Variants in ATXN2 observed in about 807,000 individuals in gnomAD.
ATXN2 encodes the protein ataxin 2.
ATXN2 carries 37 observed loss-of-function variants against 138.6 expected under a neutral mutation model. The ratio of observed to expected loss-of-function variants is 0.27; its 90% CI spans 0.21 to 0.35. The LOEUF (loss-of-function observed/expected upper bound fraction) is 0.35, where lower values mean the gene tolerates loss of function less well. ATXN2 is among the 10% of genes least tolerant of loss of function. The pLI is 1.00. For synonymous variants in ATXN2, 549 were observed against 543.7 expected, an observed-to-expected ratio of 1.01 and a Z score of -0.13; for missense variants, 1,216 against 1,480.3, an observed-to-expected ratio of 0.82 and a Z score of 2.93.
intron 18 of ATXN2, among the ~76,000 whole-genome samples, chr12:111,476,460 CA>C (rs915476297): frequency 1.6e-3 from 200 of 128,608 alleles, no homozygotes; most frequent in Admixed American, 2.4e-3. Flanking sequence ...TACAATAAGA[CA>C]AAAAAAAAAA....
At chr12:111,468,943 G>C (rs1042572427) in intron 20 of ATXN2, 4 of 152,186 alleles carry the variant, frequency 2.6e-5, no homozygotes, top group Non-Finnish European at 4.4e-5. Context: ...CTCATGATCC[G>C]CCAGCCTTGG....
chr12:111,590,448 G>A (rs1884596281), intron 1 of ATXN2, among the ~76,000 whole-genome samples: 1 of 151,962 alleles, frequency 6.6e-6, no homozygotes, highest in Non-Finnish European at 1.5e-5. Flanking sequence ...CAGCACTTTG[G>A]GAGGCTGTTG....
intron 21 of ATXN2, chr12:111,458,417 C>G (rs1189742664): frequency 6.6e-6 from 1 of 152,316 alleles, no homozygotes; most frequent in South Asian, 2.1e-4. Flanking sequence ...CGTGAGCCAC[C>G]GTGCCTGGCC....
chr12:111,474,979 C>T (rs1344124688), intron 18 of ATXN2, among the ~76,000 whole-genome samples: 15 of 152,056 alleles, frequency 9.9e-5, no homozygotes, highest in South Asian at 4.1e-4. Context: ...TTTGGGAGGC[C>T]GAGGCGGGCG....
intron 14 of ATXN2, among the ~76,000 whole-genome samples, chr12:111,506,621 C>T (rs1046397487): frequency 5.3e-5 from 8 of 151,088 alleles, no homozygotes; most frequent in African/African-American, 2.0e-4. Context: ...CATCATTGTC[C>T]CTCTCCCTCT....
chr12:111,519,768 T>G, intron 8 of ATXN2, 111 bp downstream of exon 8: 1 of 1,533,208 alleles, frequency 6.5e-7, no homozygotes, highest in Non-Finnish European at 8.8e-7. Context: ...TCTACTTGCA[T>G]TCTCTACCTA....
intron 1 of ATXN2, among the ~76,000 whole-genome samples, chr12:111,557,027 T>G (rs1174012740): frequency 6.6e-6 from 1 of 152,190 alleles, no homozygotes; most frequent in African/African-American, 2.4e-5. Flanking sequence ...AGATGAATTC[T>G]ATTTTCAAGT....
intron 1 of ATXN2, among the ~76,000 whole-genome samples, chr12:111,576,940 A>T (rs552722671): frequency 1.3e-5 from 2 of 151,930 alleles, no homozygotes; most frequent in Non-Finnish European, 2.9e-5. Context: ...CCTGGGCGAC[A>T]GAGCGAGACT....
At chr12:111,547,457 G>A (rs970680067) in intron 5 of ATXN2, among the ~76,000 whole-genome samples, 1 of 151,926 alleles carries the variant, frequency 6.6e-6, no homozygotes, top group African/African-American at 2.4e-5. Context: ...TGGGCGCGGT[G>A]GCTCACGCTT....
intron 6 of ATXN2, among the ~76,000 whole-genome samples, chr12:111,521,238 G>T (rs897079363): frequency 2.6e-5 from 4 of 152,146 alleles, no homozygotes; most frequent in African/African-American, 9.7e-5. Flanking sequence ...ATAGCCTTCA[G>T]ATCAGGGTTC....
Position 111,567,399 on chromosome 12 carries a change from C to G in ATXN2, c.252-11480G>C, listed in dbSNP as rs1883071366. ...CCTGTAGTCCCAGATACTCAGGAGG[C>G]TGAGGCAGGAGAATCACTTGAACCC... is the stretch of plus-strand genomic sequence containing the variant. On this transcript the variant is annotated intron_variant, in intron 1 of 24. Transcript: ENST00000673436. 1.3e-5 allele frequency among the ~76,000 whole-genome samples: 2 copies of G among 151,934 alleles called. 1 individual carries two copies. Among genetic ancestry groups the G allele is most frequent in the South Asian group, 4.2e-4 (2 of 4,798 alleles).
intron 5 of ATXN2, among the ~76,000 whole-genome samples, chr12:111,547,699 T>TG (rs1306939428): frequency 6.8e-6 from 1 of 146,828 alleles, no homozygotes; most frequent in Admixed American, 7.0e-5. Context: ...CACTCCAGCC[T>TG]GGGCGACAAG....
chr12:111,525,442 T>G (rs1880431656), intron 5 of ATXN2, 126 bp from the exon 6 acceptor site: 1 of 1,133,688 alleles, frequency 8.8e-7, no homozygotes, highest in Non-Finnish European at 1.2e-6. Context: ...CATAATTGTT[T>G]AACTTAAAAT....
intron 1 of ATXN2, among the ~76,000 whole-genome samples, chr12:111,581,135 CAAAAAAAAA>C (rs1016431358): frequency 1.2e-4 from 7 of 57,896 alleles, no homozygotes; most frequent in Middle Eastern, 0.026. Flanking sequence ...GACTCCATCT[CAAAAAAAAA>C]AAAAAAAAAA....
intron 20 of ATXN2, 70 bp downstream of exon 20, chr12:111,470,038 A>G: frequency 6.7e-7 from 1 of 1,487,530 alleles, no homozygotes; most frequent in Admixed American, 1.9e-5. Flanking sequence ...TCTTAGATAG[A>G]GTATGTTTTC....
chr12:111,527,999 A>G (rs894115248), intron 5 of ATXN2, among the ~76,000 whole-genome samples: 1 of 152,174 alleles, frequency 6.6e-6, no homozygotes, highest in Admixed American at 6.5e-5. Context: ...AATTCTCACA[A>G]CACTAGACAA....
chr12:111,560,596 G>A (rs571424673), intron 1 of ATXN2, among the ~76,000 whole-genome samples: 16 of 152,224 alleles, frequency 1.1e-4, no homozygotes, highest in Admixed American at 3.9e-4. Flanking sequence ...AGCATCAGAC[G>A]TGTCACACTG....
At chr12:111,486,522 G>A (rs888468427) in intron 16 of ATXN2, among the ~76,000 whole-genome samples, 14 of 152,188 alleles carry the variant, frequency 9.2e-5, no homozygotes, top group Admixed American at 6.5e-5. Context: ...GCCAACCATC[G>A]TCAAATTCTG....
At chr12:111,573,343 G>C (rs1382047457) in intron 1 of ATXN2, among the ~76,000 whole-genome samples, 1 of 152,124 alleles carries the variant, frequency 6.6e-6, no homozygotes. Flanking sequence ...ACAGGTGCTT[G>C]TCACCACGCC....
Sources: allele counts gnomAD v4.1 joint callset (sites outside exome capture counted in the v4.1 genomes callset), GRCh38; gene constraint gnomAD v4.1.1; transcripts MANE v1.5; gene names NCBI Gene and HGNC (gene_info 2026-07-23, HGNC 2026-07-21).